Variants in KCNH7 observed in about 807,000 individuals in gnomAD.
KCNH7 encodes the protein voltage-gated inwardly rectifying potassium channel KCNH7.
Under a neutral mutation model 120.8 loss-of-function variants are expected in KCNH7, and 49 were observed. The observed-to-expected ratio is 0.41, with a 90% confidence interval of 0.32 to 0.51. The LOEUF is 0.51. Ranked by LOEUF, KCNH7 falls within the 20% of genes least tolerant of loss-of-function variation. KCNH7 has a pLI of 0.38. For synonymous variants in KCNH7, 547 were observed against 516.1 expected (o/e 1.06, Z -0.81); for missense variants, 1,097 against 1,446.6 (o/e 0.76, Z 3.92).
intron 2 of KCNH7, among the ~76,000 whole-genome samples, chr2:162,680,349 C>T (rs1685670084): frequency 6.6e-6 from 1 of 151,638 alleles, no homozygotes; most frequent in Non-Finnish European, 1.5e-5. Flanking sequence ...GACACAGTTG[C>T]TGGGCAAGAA....
chr2:162,486,638 T>C (rs7572827), intron 6 of KCNH7, among the ~76,000 whole-genome samples: 19,452 of 152,152 alleles, frequency 0.13, 3,082 homozygotes, highest in African/African-American at 0.37. Flanking sequence ...TTACCCCATG[T>C]CTATCTCAAG....
At chr2:162,488,334 TA>T (rs1690172863) in intron 6 of KCNH7, among the ~76,000 whole-genome samples, 1 of 152,206 alleles carries the variant, frequency 6.6e-6, no homozygotes, top group African/African-American at 2.4e-5. Context: ...AAGGATATGA[TA>T]TTTTTTTTCT....
At chr2:162,787,223 G>T (rs1002738296) in intron 2 of KCNH7, among the ~76,000 whole-genome samples, 1 of 152,122 alleles carries the variant, frequency 6.6e-6, no homozygotes, top group African/African-American at 2.4e-5. Context: ...ATCCTCCATG[G>T]ATTCAGATCC....
chr2:162,456,851 G>A (rs897099256), intron 6 of KCNH7, among the ~76,000 whole-genome samples: 9 of 151,716 alleles, frequency 5.9e-5, no homozygotes, highest in African/African-American at 1.9e-4. Context: ...GCTTCCATTT[G>A]CTTGTTAAAT....
chr2:162,687,633 T>G (rs1046162409), intron 2 of KCNH7, among the ~76,000 whole-genome samples: 6 of 152,070 alleles, frequency 3.9e-5, no homozygotes, highest in Non-Finnish European at 7.4e-5. Flanking sequence ...AGTTGGCAAA[T>G]GCTACAAATC....
At chr2:162,746,413 A>G (rs541684130) in intron 2 of KCNH7, among the ~76,000 whole-genome samples, 1 of 152,268 alleles carries the variant, frequency 6.6e-6, no homozygotes, top group East Asian at 1.9e-4. Context: ...TTATCTTTAA[A>G]ATATTTATAG....
At chr2:162,760,210 G>A (rs979885614) in intron 2 of KCNH7, among the ~76,000 whole-genome samples, 1 of 151,996 alleles carries the variant, frequency 6.6e-6, no homozygotes. Flanking sequence ...ACATTTTCTA[G>A]TTTAGTAACC....
At chr2:162,419,997 G>C (rs1687651853) in intron 9 of KCNH7, among the ~76,000 whole-genome samples, 1 of 152,160 alleles carries the variant, frequency 6.6e-6, no homozygotes, top group Non-Finnish European at 1.5e-5. Flanking sequence ...AATGTTGGAG[G>C]TAGAGGGAAG....
chr2:162,661,769 G>A (rs1277839935), intron 2 of KCNH7, among the ~76,000 whole-genome samples: 1 of 152,026 alleles, frequency 6.6e-6, no homozygotes, highest in African/African-American at 2.4e-5. Flanking sequence ...ATTTAGAAAA[G>A]GAAATGAGAA....
intron 6 of KCNH7, among the ~76,000 whole-genome samples, chr2:162,453,334 G>A (rs548089247): frequency 6.6e-6 from 1 of 152,106 alleles, no homozygotes; most frequent in Non-Finnish European, 1.5e-5. Context: ...TGGTGTACAT[G>A]TGCTACATTG....
chr2:162,740,967 T>G (rs893430745), intron 2 of KCNH7, among the ~76,000 whole-genome samples: 1 of 152,162 alleles, frequency 6.6e-6, no homozygotes, highest in Non-Finnish European at 1.5e-5. Flanking sequence ...GGACTTGGAT[T>G]TTTCCTAGTG....
intron 2 of KCNH7, among the ~76,000 whole-genome samples, chr2:162,595,778 T>A (rs1025313955): frequency 1.3e-5 from 2 of 151,928 alleles, no homozygotes; most frequent in Admixed American, 1.3e-4. Context: ...AGTGATATTA[T>A]CTCTGTTTGC....
rs138163887 is a variant in KCNH7 at position 162,494,405 on chromosome 2, A to T, written c.1128+10038T>A. ...CTGACCCCTAACTTTTAGATGCTAGAGAGGGCCCCTGGAGCATCCAAAAGA... is the reference window on the plus strand; with the variant it reads ...CTGACCCCTAACTTTTAGATGCTAGTGAGGGCCCCTGGAGCATCCAAAAGA... On this transcript the variant is annotated intron_variant, in intron 6 of 15. Coordinates refer to ENST00000332142, the MANE Select transcript of KCNH7 (RefSeq NM_033272.4). Among the ~76,000 whole-genome samples, 1,264 of 152,228 alleles carry T rather than the reference A, an allele frequency of 8.3e-3. 11 individuals carry two copies. The highest frequency in any genetic ancestry group is 0.013 in the Non-Finnish European group (881 of 68,004).
In KCNH7 at chr2:162,748,574, T is replaced by C. The variant is rs1424714697; in HGVS notation, c.307+87963A>G. Among the ~76,000 whole-genome samples, 3 of 152,320 alleles carry C rather than the reference T, an allele frequency of 2.0e-5. No individual in the cohort carries two copies. In the East Asian group the frequency reaches 5.8e-4, roughly 29 times the overall value. Reference sequence around the variant, plus strand: ...CCATTATCTAAATGTAGTAGTCTTATTGATTCAACTGGCTAAACAGACATT... The same window carrying C: ...CCATTATCTAAATGTAGTAGTCTTACTGATTCAACTGGCTAAACAGACATT... On this transcript the variant is annotated intron_variant, in intron 2 of 15. Coordinates refer to ENST00000332142, the MANE Select transcript of KCNH7 (RefSeq NM_033272.4).
chr2:162,709,159 G>A (rs1686830207), intron 2 of KCNH7, among the ~76,000 whole-genome samples: 1 of 151,982 alleles, frequency 6.6e-6, no homozygotes, highest in African/African-American at 2.4e-5. Context: ...CTATCTCCTA[G>A]GTTTATCGTG....
chr2:162,518,394 G>A (rs923142527), intron 3 of KCNH7, among the ~76,000 whole-genome samples: 1 of 151,830 alleles, frequency 6.6e-6, no homozygotes, highest in South Asian at 2.1e-4. Context: ...ATCCACATCA[G>A]TGACATAAAA....
At chr2:162,382,368 C>A (rs76905310) in intron 13 of KCNH7, among the ~76,000 whole-genome samples, 2 of 151,966 alleles carry the variant, frequency 1.3e-5, no homozygotes, top group Non-Finnish European at 2.9e-5. Context: ...AAGGGGAAAT[C>A]CTGGTTAGTG....
chr2:162,380,307 A>T (rs1686371663), intron 13 of KCNH7, among the ~76,000 whole-genome samples: 1 of 152,136 alleles, frequency 6.6e-6, no homozygotes. Flanking sequence ...AGGAGAAGAT[A>T]AGAACAGCAG....
chr2:162,445,890 C>A, intron 7 of KCNH7, 128 bp downstream of exon 7: 1 of 718,076 alleles, frequency 1.4e-6, no homozygotes, highest in South Asian at 2.0e-5. Context: ...GTAGTATCCC[C>A]AATTGAAAAT....
Sources: allele counts gnomAD v4.1 joint callset (sites outside exome capture counted in the v4.1 genomes callset), GRCh38; gene constraint gnomAD v4.1.1; transcripts MANE v1.5; gene names NCBI Gene and HGNC (gene_info 2026-07-23, HGNC 2026-07-21).